The following ITGBL1 variants were observed in gnomAD, a reference collection of about 807,000 sequenced individuals.
ITGBL1 encodes the protein integrin subunit beta like 1.
Under a neutral mutation model 68.5 loss-of-function variants are expected in ITGBL1, and 51 were observed. The ratio of observed to expected loss-of-function variants is 0.74; its 90% CI spans 0.59 to 0.94. The LOEUF (loss-of-function observed/expected upper bound fraction) is 0.94. ITGBL1 is among the 40% of genes least tolerant of loss of function. The pLI is 0.00. For synonymous variants in ITGBL1, 209 were observed against 227.3 expected (o/e 0.92, Z 0.72); for missense variants, 649 against 647.4 (o/e 1.00, Z -0.03).
chr13:101,664,736 T>G (rs1036654552), intron 7 of ITGBL1, among the ~76,000 whole-genome samples: 4 of 152,166 alleles, frequency 2.6e-5, no homozygotes, highest in Admixed American at 2.6e-4. Flanking sequence ...TTCTTGTTTG[T>G]TTGGTTGGTT....
At chr13:101,624,700 T>G (rs911886389) in intron 7 of ITGBL1, among the ~76,000 whole-genome samples, 1 of 152,120 alleles carries the variant, frequency 6.6e-6, no homozygotes, top group African/African-American at 2.4e-5. Context: ...TCCTCTCCCT[T>G]CAAATTCTGG....
intron 2 of ITGBL1, among the ~76,000 whole-genome samples, chr13:101,547,383 T>C (rs904772848): frequency 4.6e-5 from 7 of 151,980 alleles, no homozygotes; most frequent in African/African-American, 1.7e-4. Context: ...AGAATTGATA[T>C]TTAATGACTT....
chr13:101,532,563 T>G (rs2049502693), intron 2 of ITGBL1, among the ~76,000 whole-genome samples: 3 of 152,234 alleles, frequency 2.0e-5, no homozygotes, highest in Admixed American at 2.0e-4. Flanking sequence ...TGGTGAAGTC[T>G]TCTTCACTCT....
At chr13:101,602,874 G>T (rs2030472436) in intron 7 of ITGBL1, among the ~76,000 whole-genome samples, 1 of 151,916 alleles carries the variant, frequency 6.6e-6, no homozygotes, top group Non-Finnish European at 1.5e-5. Flanking sequence ...GTGTTTGCAA[G>T]GTTTATCAAA....
chr13:101,543,697 A>G (rs903560898), intron 2 of ITGBL1, among the ~76,000 whole-genome samples: 12 of 152,180 alleles, frequency 7.9e-5, no homozygotes, highest in African/African-American at 2.9e-4. Flanking sequence ...AGGTACACCA[A>G]TCAGACGCAG....
chr13:101,617,793 A>G (rs1165966586), intron 7 of ITGBL1, among the ~76,000 whole-genome samples: 1 of 152,074 alleles, frequency 6.6e-6, no homozygotes, highest in Non-Finnish European at 1.5e-5. Context: ...GAATCTTGTG[A>G]ATGTGTGGGA....
At chr13:101,494,044 AG>A (rs2139067651) in intron 2 of ITGBL1, among the ~76,000 whole-genome samples, 1 of 152,358 alleles carries the variant, frequency 6.6e-6, no homozygotes, top group South Asian at 2.1e-4. Context: ...CACTTTGAGG[AG>A]ACACATTGTT....
At chr13:101,646,863 T>G (rs904012754) in intron 7 of ITGBL1, among the ~76,000 whole-genome samples, 3 of 152,172 alleles carry the variant, frequency 2.0e-5, no homozygotes, top group African/African-American at 7.2e-5. Context: ...GATTCAAAGA[T>G]GCAAGAGAGG....
chr13:101,518,404 C>T (rs927198008), intron 2 of ITGBL1, among the ~76,000 whole-genome samples: 2 of 151,972 alleles, frequency 1.3e-5, no homozygotes, highest in African/African-American at 4.8e-5. Context: ...CTCTGTTTTC[C>T]CAAGGTACTT....
At chr13:101,489,377 CTTCTTTTGAGATAT>C (rs1362999609) in intron 2 of ITGBL1, among the ~76,000 whole-genome samples, 1 of 152,168 alleles carries the variant, frequency 6.6e-6, no homozygotes, top group Non-Finnish European at 1.5e-5. Flanking sequence ...TCAAATTCTA[CTTCTTTTGAGATAT>C]AAACTGTTTA....
Position 101,567,980 on chromosome 13 carries a change from A to G in ITGBL1, c.463+135A>G, listed in dbSNP as rs537860572. 4 of 693,788 alleles carry G rather than the reference A, an allele frequency of 5.8e-6. No homozygotes were observed. The South Asian group carries it at 8.3e-5, about 14-fold the overall frequency. The allele number at this position is 693,788 out of a possible 1,614,324, so 43.0% of individuals were successfully genotyped here. A position where few individuals can be genotyped will look rare whatever the true frequency, so the allele number is the denominator to read the frequency against. On this transcript the variant is annotated intron_variant, in intron 3 of 10. Transcript: ENST00000376180. ...AGTATGTTTTTTAGAAGTGAAATTC[A>G]GATAAATCAATAGAAAAAAAATGCC...
intron 9 of ITGBL1, among the ~76,000 whole-genome samples, chr13:101,707,568 C>T (rs1009081488): frequency 5.3e-5 from 8 of 152,054 alleles, no homozygotes; most frequent in East Asian, 1.9e-4. Context: ...GGTTGGGCAC[C>T]GTGGCCCATG....
At chr13:101,470,361 G>A (rs1227078782) in intron 2 of ITGBL1, among the ~76,000 whole-genome samples, 4 of 149,492 alleles carry the variant, frequency 2.7e-5, no homozygotes, top group Non-Finnish European at 4.4e-5. Context: ...ATGGAGTCTC[G>A]CTCTGTCACC....
intron 7 of ITGBL1, 54 bp from the exon 8 acceptor site, chr13:101,692,531 C>G (rs1594984629): frequency 8.3e-7 from 1 of 1,211,178 alleles, no homozygotes; most frequent in African/African-American, 1.5e-5. Flanking sequence ...CCTTGAAAGC[C>G]TTAGTGATTC....
At chr13:101,498,599 G>C (rs1402980653) in intron 2 of ITGBL1, among the ~76,000 whole-genome samples, 1 of 152,116 alleles carries the variant, frequency 6.6e-6, no homozygotes, top group Non-Finnish European at 1.5e-5. Context: ...ATAGGAAGAG[G>C]TTAAATGTCA....
intron 2 of ITGBL1, among the ~76,000 whole-genome samples, chr13:101,458,383 T>C (rs927804121): frequency 6.6e-6 from 1 of 152,168 alleles, no homozygotes; most frequent in Non-Finnish European, 1.5e-5. Context: ...GTTTGGGAAA[T>C]AGGGCTACAA....
At chr13:101,630,492 C>G (rs913405575) in intron 7 of ITGBL1, among the ~76,000 whole-genome samples, 1 of 152,156 alleles carries the variant, frequency 6.6e-6, no homozygotes, top group African/African-American at 2.4e-5. Flanking sequence ...TAAGTTGTTT[C>G]TAACTTCACA....
chr13:101,495,469 C>T (rs1443200851), intron 2 of ITGBL1, among the ~76,000 whole-genome samples: 1 of 152,158 alleles, frequency 6.6e-6, no homozygotes, highest in Non-Finnish European at 1.5e-5. Flanking sequence ...CTCATCTCAT[C>T]CCCTCAAGGT....
At chr13:101,466,316 G>T (rs1409718506) in intron 2 of ITGBL1, among the ~76,000 whole-genome samples, 1 of 152,136 alleles carries the variant, frequency 6.6e-6, no homozygotes, top group African/African-American at 2.4e-5. Flanking sequence ...CACCGTAAGT[G>T]ACATTTTGTC....
Sources: allele counts gnomAD v4.1 joint callset (sites outside exome capture counted in the v4.1 genomes callset), GRCh38; gene constraint gnomAD v4.1.1; transcripts MANE v1.5; gene names NCBI Gene and HGNC (gene_info 2026-07-23, HGNC 2026-07-21).